Variants in MAP4K3 observed in about 807,000 individuals in gnomAD.
MAP4K3 encodes mitogen-activated protein kinase kinase kinase kinase 3.
In MAP4K3, 94 loss-of-function variants were observed where a neutral mutation model predicts 143.5. The observed-to-expected ratio is 0.65, with a 90% CI of 0.55 to 0.78. The LOEUF (loss-of-function observed/expected upper bound fraction) is 0.78, where lower values mean the gene tolerates loss of function less well. MAP4K3 is among the 30% of genes least tolerant of loss of function. MAP4K3 has a pLI of 0.00. For synonymous variants in MAP4K3, 416 were observed against 347.2 expected (o/e 1.20, Z -2.20); for missense variants, 1,077 against 1,068.1 (o/e 1.01, Z -0.12).
intron 24 of MAP4K3, among the ~76,000 whole-genome samples, chr2:39,273,416 C>A (rs545758207): frequency 1.9e-4 from 29 of 152,308 alleles, no homozygotes; most frequent in African/African-American, 6.5e-4. Context: ...TTGAGAGCCA[C>A]TGATGTACAT....
intron 2 of MAP4K3, among the ~76,000 whole-genome samples, chr2:39,369,192 A>AGTTTTTTT (rs1458075415): frequency 5.5e-5 from 1 of 18,102 alleles, no homozygotes; most frequent in African/African-American, 2.6e-4. Context: ...CCTTTGGGCT[A>AGTTTTTTT]GTTTTTTTTT....
At chr2:39,396,929 T>G (rs980140944) in intron 1 of MAP4K3, among the ~76,000 whole-genome samples, 3 of 152,234 alleles carry the variant, frequency 2.0e-5, no homozygotes, top group Non-Finnish European at 4.4e-5. Context: ...TTACTTGATC[T>G]AAAAGACCAT....
Position 39,336,864 on chromosome 2 carries a change from G to T in MAP4K3, c.414+56C>A. The T allele has an allele frequency of 4.0e-6, 3 of 747,106 alleles. No homozygotes were observed. The South Asian group carries it at 6.9e-5, about 17-fold the overall frequency. The allele number at this position is 747,106 out of a possible 1,614,324, so 46.3% of individuals were successfully genotyped here. ...AAAACAATTTTGCTCAAAACAATTTGATCAGAGTATTTAAAAATGAAGAGA... is the reference window on the plus strand; with the variant it reads ...AAAACAATTTTGCTCAAAACAATTTTATCAGAGTATTTAAAAATGAAGAGA... On this transcript the variant is annotated intron_variant, in intron 6 of 33. Coordinates refer to ENST00000263881, the MANE Select transcript of MAP4K3 (RefSeq NM_003618.4).
intron 19 of MAP4K3, among the ~76,000 whole-genome samples, chr2:39,288,973 A>C (rs1051142076): frequency 2.0e-5 from 3 of 152,192 alleles, no homozygotes; most frequent in African/African-American, 7.2e-5. Context: ...AATGGCATGA[A>C]TCCGGGAGGC....
At chr2:39,346,380 C>A (rs1035232) in intron 3 of MAP4K3, among the ~76,000 whole-genome samples, 134,255 of 152,230 alleles carry the variant, frequency 0.88, 59,386 homozygotes, top group Non-Finnish European at 0.91. Flanking sequence ...GGTTCAATGA[C>A]ACTAAGCATA....
chr2:39,385,551 C>CATATATATATATATAT (rs140387430), intron 1 of MAP4K3, among the ~76,000 whole-genome samples: 55 of 111,232 alleles, frequency 4.9e-4, no homozygotes, highest in Admixed American at 1.2e-3. Context: ...GAGCGTTCTT[C>CATATATATATATATAT]ATATATATAT....
chr2:39,343,322 T>C, intron 4 of MAP4K3, 66 bp downstream of exon 4: 1 of 1,041,508 alleles, frequency 9.6e-7, no homozygotes, highest in Non-Finnish European at 1.5e-6. Context: ...GATGTTTTAA[T>C]ATAGTAAATA....
chr2:39,297,688 C>T (rs1275332580), intron 16 of MAP4K3, among the ~76,000 whole-genome samples: 1 of 152,134 alleles, frequency 6.6e-6, no homozygotes, highest in Non-Finnish European at 1.5e-5. Flanking sequence ...AAAACACTGC[C>T]TAATCACAAG....
intron 20 of MAP4K3, among the ~76,000 whole-genome samples, chr2:39,287,478 T>G (rs983694435): frequency 1.3e-5 from 2 of 152,080 alleles, no homozygotes; most frequent in African/African-American, 2.4e-5. Flanking sequence ...TGTATTTTTT[T>G]TTTTAGTAGA....
intron 1 of MAP4K3, among the ~76,000 whole-genome samples, chr2:39,420,769 T>G (rs1667524625): frequency 6.6e-6 from 1 of 152,180 alleles, no homozygotes; most frequent in Non-Finnish European, 1.5e-5. Flanking sequence ...ATTATTCCTT[T>G]GAAAACTCAA....
At chr2:39,272,890 C>A (rs988001277) in intron 24 of MAP4K3, among the ~76,000 whole-genome samples, 2 of 152,060 alleles carry the variant, frequency 1.3e-5, no homozygotes, top group Admixed American at 6.6e-5. Context: ...ATAAGATTCT[C>A]CTCTCTACTC....
intron 1 of MAP4K3, among the ~76,000 whole-genome samples, chr2:39,382,319 T>G (rs1666374374): frequency 1.3e-5 from 2 of 152,198 alleles, no homozygotes; most frequent in Admixed American, 6.5e-5. Context: ...CATCTGACCA[T>G]CATCTACTAT....
At chr2:39,434,802 G>A (rs1665402024) in intron 1 of MAP4K3, among the ~76,000 whole-genome samples, 1 of 152,172 alleles carries the variant, frequency 6.6e-6, no homozygotes, top group Non-Finnish European at 1.5e-5. Context: ...GTTGCTGTTA[G>A]GATTAATTAG....
At chr2:39,403,496 T>C (rs867497393) in intron 1 of MAP4K3, among the ~76,000 whole-genome samples, 1 of 152,206 alleles carries the variant, frequency 6.6e-6, no homozygotes, top group South Asian at 2.1e-4. Context: ...TGTGAGACTT[T>C]GCATTGAACT....
At chr2:39,413,696 C>T (rs1404843373) in intron 1 of MAP4K3, among the ~76,000 whole-genome samples, 8 of 151,554 alleles carry the variant, frequency 5.3e-5, no homozygotes, top group Non-Finnish European at 8.8e-5. Context: ...GAGGTGGGCC[C>T]CCTGTATCAC....
chr2:39,411,489 T>C (rs1667231222), intron 1 of MAP4K3, among the ~76,000 whole-genome samples: 1 of 152,220 alleles, frequency 6.6e-6, no homozygotes, highest in Admixed American at 6.5e-5. Context: ...ATGCCAGGTA[T>C]GGTGCCGGGT....
chr2:39,282,792 T>A (rs1230307210), intron 21 of MAP4K3, among the ~76,000 whole-genome samples: 1 of 152,236 alleles, frequency 6.6e-6, no homozygotes, highest in Non-Finnish European at 1.5e-5. Context: ...GAATTAGATA[T>A]ACTTATGTAA....
At chr2:39,329,147 T>G (rs528752482) in intron 8 of MAP4K3, among the ~76,000 whole-genome samples, 1 of 152,316 alleles carries the variant, frequency 6.6e-6, no homozygotes, top group East Asian at 1.9e-4. Flanking sequence ...TTTTAACCTG[T>G]GAAACTGGAG....
chr2:39,359,208 C>T (rs1665695944), intron 2 of MAP4K3, among the ~76,000 whole-genome samples: 2 of 152,236 alleles, frequency 1.3e-5, no homozygotes, highest in East Asian at 3.9e-4. Context: ...ACTACAGGCC[C>T]CTTGCAAGTC....
Sources: allele counts gnomAD v4.1 joint callset (sites outside exome capture counted in the v4.1 genomes callset), GRCh38; gene constraint gnomAD v4.1.1; transcripts MANE v1.5; gene names NCBI Gene and HGNC (gene_info 2026-07-23, HGNC 2026-07-21).